Variants in IARS1 observed in about 807,000 individuals in gnomAD.
IARS1 encodes the protein isoleucine--tRNA ligase, cytoplasmic.
In IARS1, 124 loss-of-function variants were observed where a neutral mutation model predicts 168.2. The ratio of observed to expected loss-of-function variants is 0.74; its 90% CI spans 0.64 to 0.86. IARS1 has a LOEUF of 0.86. Among genes scored for constraint, IARS1 ranks in the 40% least tolerant of loss-of-function variants. The pLI is 0.00. For missense variants in IARS1, 1,452 were observed against 1,515.8 expected (o/e 0.96, Z 0.70); for synonymous variants, 532 against 529.4 (o/e 1.00, Z -0.07).
intron 10 of IARS1, among the ~76,000 whole-genome samples, chr9:92,273,916 G>C (rs548063499): frequency 6.6e-6 from 1 of 152,236 alleles, no homozygotes; most frequent in South Asian, 2.1e-4. Context: ...GGAACTGCCC[G>C]TTAGTGGCAG....
intron 33 of IARS1, among the ~76,000 whole-genome samples, chr9:92,215,843 ACT>A (rs902156350): frequency 2.1e-4 from 32 of 152,072 alleles, no homozygotes; most frequent in African/African-American, 7.5e-4. Flanking sequence ...GTTGGAAAAC[ACT>A]CTGCAGGATA....
chr9:92,278,110 T>C (rs1834021119), intron 8 of IARS1, 89 bp downstream of exon 8: 1 of 1,123,318 alleles, frequency 8.9e-7, no homozygotes, highest in African/African-American at 1.6e-5. Flanking sequence ...ATGCAAGCTT[T>C]TGGATAACAA....
At chr9:92,260,445 C>A (rs1230117883) in intron 17 of IARS1, among the ~76,000 whole-genome samples, 1 of 152,086 alleles carries the variant, frequency 6.6e-6, no homozygotes, top group African/African-American at 2.4e-5. Flanking sequence ...CACCTGAGGT[C>A]AGGAGTTCAA....
Position 92,247,379 on chromosome 9 carries a change from G to T in IARS1, c.2789C>A (p.Thr930Asn). 6.2e-7 allele frequency: 1 copy of T among 1,613,412 alleles called. No individual in the cohort carries two copies. Residue 930 changes from threonine (T) to asparagine (N), a missense_variant and splice_region_variant, in exon 26 of 34, where the codon ACT becomes AAT. Thr to Asn is a moderately conservative substitution (Grantham distance 65, BLOSUM62 0). Transcript: ENST00000443024. ...SSEELEQFQK[T>N]GTIVVEGHEL... Reference sequence around the variant, plus strand: ...CCCTTGTCTGTGTAGACACCTACCAGTCTTCTGGAACTGCTCCAGCTCCTC... The same window carrying T: ...CCCTTGTCTGTGTAGACACCTACCATTCTTCTGGAACTGCTCCAGCTCCTC...
chr9:92,290,531 G>T (rs945662718), intron 1 of IARS1, among the ~76,000 whole-genome samples: 3 of 152,086 alleles, frequency 2.0e-5, no homozygotes, highest in Admixed American at 1.3e-4. Context: ...GAAGCACAAA[G>T]ATTTTTCATT....
intron 1 of IARS1, among the ~76,000 whole-genome samples, chr9:92,293,229 T>C (rs573925837): frequency 6.6e-6 from 1 of 152,350 alleles, no homozygotes; most frequent in East Asian, 1.9e-4. Flanking sequence ...CACCGAATAA[T>C]TGTTTCTCCA....
chr9:92,292,952 CT>C (rs1836613430), intron 1 of IARS1, among the ~76,000 whole-genome samples: 1 of 152,166 alleles, frequency 6.6e-6, no homozygotes, highest in Non-Finnish European at 1.5e-5. Flanking sequence ...TGAGTCACCC[CT>C]GACACTACTC....
chr9:92,254,530 C>T (rs1267195424), intron 20 of IARS1, among the ~76,000 whole-genome samples: 1 of 152,222 alleles, frequency 6.6e-6, no homozygotes, highest in East Asian at 1.9e-4. Flanking sequence ...TGTCAGTGGG[C>T]TGAGCCCCAG....
chr9:92,234,313 C>T (rs1195052406), intron 30 of IARS1, among the ~76,000 whole-genome samples: 2 of 152,138 alleles, frequency 1.3e-5, no homozygotes, highest in Non-Finnish European at 2.9e-5. Context: ...ACAGATTTAG[C>T]GATGATTTGT....
Position 92,278,252 on chromosome 9 carries a change from T to A in IARS1, c.780A>T (p.Glu260Asp). 1 of 1,612,792 alleles carries A rather than the reference T, an allele frequency of 6.2e-7. No homozygotes were observed. The highest frequency in any genetic ancestry group is 1.1e-5 in the South Asian group (1 of 91,052). The change falls in exon 8 of 34, where the codon GAA becomes GAT. Residue 260 changes from glutamate (E) to aspartate (D), a missense_variant. Glu to Asp is a conservative substitution (Grantham distance 45, BLOSUM62 2). Coordinates refer to ENST00000443024, the MANE Select transcript of IARS1 (RefSeq NM_002161.6). ...VARGRLLILM[E>D]ARLSALYKLE... ...ATTTATAGAGGGCTGACAATCTGGC[T>A]TCCATTAAAATGAGTAATCGTCCTC... is the stretch of plus-strand genomic sequence containing the variant.
At chr9:92,220,514 G>A (rs1006712439) in intron 33 of IARS1, among the ~76,000 whole-genome samples, 4 of 152,154 alleles carry the variant, frequency 2.6e-5, no homozygotes, top group African/African-American at 7.2e-5. Flanking sequence ...CTACTCGGGA[G>A]GCTGAGGCAG....
In IARS1 at chr9:92,250,291, T is replaced by C. The variant is rs1223360085; in HGVS notation, c.2430-2A>G. ...GTTTTCTTGTCAATCAATTCTTCTCTGAGTGGTAGAGGTAGGAATATGAAA... is the reference window on the plus strand; with the variant it reads ...GTTTTCTTGTCAATCAATTCTTCTCCGAGTGGTAGAGGTAGGAATATGAAA... On this transcript the variant is annotated splice_acceptor_variant, in intron 23 of 33. Coordinates refer to ENST00000443024, the MANE Select transcript of IARS1 (RefSeq NM_002161.6). LOFTEE classifies it high-confidence loss of function. 3 of 1,548,568 alleles carry C rather than the reference T, an allele frequency of 1.9e-6. No individual in the cohort carries two copies. Among genetic ancestry groups the C allele is most frequent in the Non-Finnish European group, 2.7e-6 (3 of 1,120,516 alleles).
intron 33 of IARS1, among the ~76,000 whole-genome samples, chr9:92,221,574 G>A (rs1019239538): frequency 8.5e-5 from 13 of 152,204 alleles, no homozygotes; most frequent in African/African-American, 3.1e-4. Flanking sequence ...AGAGGGTAGG[G>A]TGAGGATGTC....
At chr9:92,255,908 T>C (rs762206139) in intron 20 of IARS1, among the ~76,000 whole-genome samples, 6 of 152,154 alleles carry the variant, frequency 3.9e-5, no homozygotes, top group Non-Finnish European at 8.8e-5. Context: ...AAAGATATGA[T>C]AAATGCTTGA....
At chr9:92,246,451 G>C (rs1829214249) in intron 26 of IARS1, among the ~76,000 whole-genome samples, 1 of 152,190 alleles carries the variant, frequency 6.6e-6, no homozygotes, top group Admixed American at 6.5e-5. Context: ...TGGGCACCCT[G>C]AAATGCTCTG....
At chr9:92,238,704 T>G (rs991150054) in intron 30 of IARS1, among the ~76,000 whole-genome samples, 4 of 152,222 alleles carry the variant, frequency 2.6e-5, no homozygotes, top group African/African-American at 9.7e-5. Context: ...TCTAGGGTTT[T>G]ATATGTATCC....
chr9:92,224,801 C>T (rs546966177), intron 31 of IARS1, among the ~76,000 whole-genome samples: 93 of 151,780 alleles, frequency 6.1e-4, no homozygotes, highest in African/African-American at 2.2e-3. Context: ...CCACTGCACT[C>T]CAGCCTGAGT....
chr9:92,237,875 T>C (rs1016530552), intron 30 of IARS1, among the ~76,000 whole-genome samples: 2 of 152,208 alleles, frequency 1.3e-5, no homozygotes, highest in Non-Finnish European at 2.9e-5. Context: ...ACTTGGCTAA[T>C]GTGTTTTTAA....
At chr9:92,243,058 G>A in intron 28 of IARS1, 158 bp downstream of exon 28, 3 of 571,582 alleles carry the variant, frequency 5.2e-6, no homozygotes, top group Non-Finnish European at 9.7e-6. Flanking sequence ...AGGAAGAGGA[G>A]TGACTTTTCT....
Sources: allele counts gnomAD v4.1 joint callset (sites outside exome capture counted in the v4.1 genomes callset), GRCh38; gene constraint gnomAD v4.1.1; transcripts MANE v1.5; gene names NCBI Gene and HGNC (gene_info 2026-07-23, HGNC 2026-07-21).